CACNA2D3: variants seen among roughly 807,000 people sequenced by gnomAD.
CACNA2D3 encodes the protein calcium voltage-gated channel auxiliary subunit alpha2delta 3, also known as voltage-dependent calcium channel subunit alpha-2/delta-3.
A neutral mutation model predicts 160.6 loss-of-function variants in CACNA2D3; 60 were observed. The ratio of observed to expected loss-of-function variants is 0.37; its 90% CI spans 0.30 to 0.46. The LOEUF is 0.46. CACNA2D3 is among the 20% of genes least tolerant of loss of function. The probability of loss-of-function intolerance (pLI) is 1.00; values close to 1 mark genes in which losing one functional copy is unlikely to be tolerated. For missense variants in CACNA2D3, 1,205 were observed against 1,365.0 expected, an observed-to-expected ratio of 0.88 and a Z score of 1.85; for synonymous variants, 558 against 492.9, an observed-to-expected ratio of 1.13 and a Z score of -1.75.
intron 5 of CACNA2D3, among the ~76,000 whole-genome samples, chr3:54,522,601 A>C (rs1386238202): frequency 1.3e-5 from 2 of 152,210 alleles, no homozygotes; most frequent in Non-Finnish European, 2.9e-5. Context: ...ATAGTTCCAG[A>C]GACTGGGAAG....
chr3:54,135,167 G>A (rs527823809), intron 2 of CACNA2D3, among the ~76,000 whole-genome samples: 15 of 152,256 alleles, frequency 9.9e-5, no homozygotes, highest in South Asian at 2.1e-4. Flanking sequence ...TCACCTTCTC[G>A]GGGAGCTGCT....
At chr3:54,550,284 A>C (rs1702134474) in intron 5 of CACNA2D3, among the ~76,000 whole-genome samples, 1 of 152,092 alleles carries the variant, frequency 6.6e-6, no homozygotes, top group Non-Finnish European at 1.5e-5. Flanking sequence ...GGGCCATGAG[A>C]GAGGAACCCA....
intron 17 of CACNA2D3, among the ~76,000 whole-genome samples, chr3:54,866,654 A>T (rs994419050): frequency 2.6e-4 from 40 of 152,204 alleles, no homozygotes; most frequent in Non-Finnish European, 5.0e-4. Flanking sequence ...AGAACACAGA[A>T]AGAGCAAAGG....
chr3:54,637,343 G>A (rs572758221), intron 10 of CACNA2D3, among the ~76,000 whole-genome samples: 2 of 151,930 alleles, frequency 1.3e-5, no homozygotes, highest in East Asian at 3.9e-4. Flanking sequence ...GTTAAGGTGG[G>A]GGGATACAAG....
At chr3:54,359,005 C>CTCCAGTAATTACTGGAGA (rs2107539659) in intron 3 of CACNA2D3, among the ~76,000 whole-genome samples, 1 of 152,084 alleles carries the variant, frequency 6.6e-6, no homozygotes, top group Non-Finnish European at 1.5e-5. Context: ...TTTACTGGAT[C>CTCCAGTAATTACTGGAGA]TCCAGTAAAT....
chr3:54,945,453 C>G (rs1701588747), intron 27 of CACNA2D3, among the ~76,000 whole-genome samples: 1 of 152,132 alleles, frequency 6.6e-6, no homozygotes, highest in African/African-American at 2.4e-5. Flanking sequence ...ATCTCTTTTT[C>G]CCTAGGAGCC....
At chr3:54,884,218 G>T (rs1418155719) in intron 21 of CACNA2D3, among the ~76,000 whole-genome samples, 1 of 152,186 alleles carries the variant, frequency 6.6e-6, no homozygotes, top group African/African-American at 2.4e-5. Flanking sequence ...CTGTTTTCTG[G>T]CACTTGTGAG....
intron 9 of CACNA2D3, among the ~76,000 whole-genome samples, chr3:54,624,312 G>T (rs1220936602): frequency 1.3e-5 from 2 of 152,198 alleles, no homozygotes; most frequent in Non-Finnish European, 2.9e-5. Flanking sequence ...ATTAAATGTT[G>T]TGCAGGTTGT....
chr3:54,437,164 C>T (rs949191718), intron 4 of CACNA2D3, among the ~76,000 whole-genome samples: 20 of 152,104 alleles, frequency 1.3e-4, no homozygotes, highest in African/African-American at 4.6e-4. Flanking sequence ...GAGGATTTTA[C>T]CTAAATGGTT....
At chr3:54,680,394 GATGA>G (rs1424492620) in intron 11 of CACNA2D3, among the ~76,000 whole-genome samples, 2 of 152,198 alleles carry the variant, frequency 1.3e-5, no homozygotes, top group East Asian at 3.8e-4. Context: ...AGGCTGTGCT[GATGA>G]ATGGAGTTTT....
chr3:54,391,730 C>T (rs940022787), intron 4 of CACNA2D3, among the ~76,000 whole-genome samples: 6 of 152,066 alleles, frequency 3.9e-5, no homozygotes, highest in Non-Finnish European at 7.4e-5. Flanking sequence ...AGGCTGTTCT[C>T]GAGCTCCTGG....
intron 2 of CACNA2D3, among the ~76,000 whole-genome samples, chr3:54,167,312 C>G (rs1248117298): frequency 6.6e-6 from 1 of 152,182 alleles, no homozygotes; most frequent in Admixed American, 6.5e-5. Context: ...TATGATTTTG[C>G]TAGCTCTGCA....
chr3:54,166,906 A>G (rs546119655), intron 2 of CACNA2D3, among the ~76,000 whole-genome samples: 1 of 152,356 alleles, frequency 6.6e-6, no homozygotes, highest in East Asian at 1.9e-4. Context: ...TTTCCTATCA[A>G]AGATATCCTG....
chr3:54,526,213 A>T (rs1007703461), intron 5 of CACNA2D3, among the ~76,000 whole-genome samples: 1 of 151,990 alleles, frequency 6.6e-6, no homozygotes, highest in Non-Finnish European at 1.5e-5. Flanking sequence ...ATTTGATGTG[A>T]TGTCGTAATA....
intron 2 of CACNA2D3, among the ~76,000 whole-genome samples, chr3:54,222,674 A>T (rs1577008891): frequency 6.6e-6 from 1 of 152,176 alleles, no homozygotes; most frequent in Admixed American, 6.5e-5. Flanking sequence ...GTTTCTAAAC[A>T]TTTGTGGAAT....
chr3:54,943,843 A>G (rs1328430114), intron 27 of CACNA2D3, among the ~76,000 whole-genome samples: 4 of 151,924 alleles, frequency 2.6e-5, no homozygotes, highest in South Asian at 4.2e-4. Flanking sequence ...TTTCTCTGTC[A>G]TCTCCCCCTT....
At chr3:54,698,948 G>A (rs957996874) in intron 11 of CACNA2D3, among the ~76,000 whole-genome samples, 1 of 152,108 alleles carries the variant, frequency 6.6e-6, no homozygotes, top group African/African-American at 2.4e-5. Context: ...GAATGCAGGC[G>A]GCCCTGCAAG....
At chr3:54,432,279 A>G in intron 4 of CACNA2D3, among the ~76,000 whole-genome samples, 1 of 152,252 alleles carries the variant, frequency 6.6e-6, no homozygotes, top group Middle Eastern at 3.4e-3. Context: ...TATTTTTATT[A>G]TCAGAAAATA....
chr3:54,958,868 C>T (rs949763241), intron 27 of CACNA2D3, among the ~76,000 whole-genome samples: 4 of 152,098 alleles, frequency 2.6e-5, no homozygotes, highest in South Asian at 2.1e-4. Flanking sequence ...CTTTGGGAGG[C>T]CAAGGCAGGA....
Sources: gnomAD v4.1 joint callset for allele counts (sites outside exome capture counted in the v4.1 genomes callset) on GRCh38, gnomAD v4.1.1 for gene constraint, MANE v1.5 for transcripts, NCBI Gene and HGNC (gene_info 2026-07-23, HGNC 2026-07-21) for gene names.